CNST: variants seen among roughly 807,000 people sequenced by gnomAD.
CNST encodes consortin.
A neutral mutation model predicts 72.4 loss-of-function variants in CNST; 39 were observed. That is an observed-to-expected ratio of 0.54 (90% CI 0.42 to 0.70). The LOEUF (loss-of-function observed/expected upper bound fraction) is 0.70, where lower values mean the gene tolerates loss of function less well. Ranked by LOEUF, CNST falls within the 30% of genes least tolerant of loss-of-function variation. The pLI, the probability that CNST is intolerant of heterozygous loss-of-function variation, is 0.00. For missense variants in CNST, 871 were observed against 868.5 expected (o/e 1.00, Z -0.04); for synonymous variants, 332 against 320.1 (o/e 1.04, Z -0.40).
At chr1:246,664,558 C>G (rs1032396231) in intron 10 of CNST, among the ~76,000 whole-genome samples, 1 of 152,096 alleles carries the variant, frequency 6.6e-6, no homozygotes, top group African/African-American at 2.4e-5. Context: ...TCCTGAGTAG[C>G]TGAGACTATA....
At chr1:246,580,268 T>C (rs959408147) in intron 1 of CNST, among the ~76,000 whole-genome samples, 1 of 152,180 alleles carries the variant, frequency 6.6e-6, no homozygotes, top group Admixed American at 6.5e-5. Context: ...GATTTCATTC[T>C]GGACATATAA....
chr1:246,647,205 G>A lies in CNST; in HGVS notation c.1004G>A (p.Ser335Asn), dbSNP rs1666141604. Residue 335 changes from serine to asparagine, a missense_variant, in exon 9 of 11, where the codon AGC becomes AAC. Physicochemically the swap from Ser to Asn is conservative, Grantham distance 46. Coordinates refer to ENST00000366513, the MANE Select transcript of CNST (RefSeq NM_152609.3). ...CAACATACAGTGGAGCCCCTGGGGA[G>A]CAGTCCCTGCTGTCATCAGATGGAC... The part of the protein sequence containing the change: ...ESQHTVEPLG[S>N]SPCCHQMDVQ... 1 of 1,614,180 alleles carries A rather than the reference G, an allele frequency of 6.2e-7. No homozygotes were observed. The highest frequency in any genetic ancestry group is 8.5e-7 in the Non-Finnish European group (1 of 1,180,024).
At chr1:246,596,528 G>A (rs1176198423) in intron 2 of CNST, among the ~76,000 whole-genome samples, 1 of 152,110 alleles carries the variant, frequency 6.6e-6, no homozygotes, top group African/African-American at 2.4e-5. Flanking sequence ...CCTGGGGGGA[G>A]AAAAACAATG....
chr1:246,648,198 A>G (rs947485516), intron 9 of CNST, 161 bp downstream of exon 9: 5 of 1,406,496 alleles, frequency 3.6e-6, no homozygotes, highest in East Asian at 5.1e-5. Context: ...TTACATTTGT[A>G]TGTATTGAAT....
intron 1 of CNST, among the ~76,000 whole-genome samples, chr1:246,572,974 A>G (rs1223963150): frequency 6.6e-6 from 1 of 152,186 alleles, no homozygotes; most frequent in East Asian, 1.9e-4. Context: ...GATTCATGTA[A>G]CCAACAGGAT....
chr1:246,650,876 C>T (rs1032868022), intron 9 of CNST, among the ~76,000 whole-genome samples: 4 of 152,048 alleles, frequency 2.6e-5, no homozygotes, highest in African/African-American at 9.7e-5. Context: ...TGGGGTTTCA[C>T]CATGTTGGCC....
chr1:246,580,782 C>T (rs896642252), intron 1 of CNST, among the ~76,000 whole-genome samples: 3 of 151,774 alleles, frequency 2.0e-5, no homozygotes, highest in Non-Finnish European at 4.4e-5. Context: ...ACTCTGTTGC[C>T]CAGGCTAGAG....
intron 3 of CNST, among the ~76,000 whole-genome samples, chr1:246,627,485 C>T (rs548322273): frequency 2.0e-5 from 3 of 152,218 alleles, no homozygotes; most frequent in African/African-American, 4.8e-5. Context: ...AGGGAGTAAA[C>T]CAAGAAACAG....
chr1:246,641,870 T>G (rs1461443185), intron 7 of CNST, 71 bp from the exon 8 acceptor site: 1 of 1,375,708 alleles, frequency 7.3e-7, no homozygotes. Context: ...CTTTCCCAAG[T>G]TATTTTCAGC....
intron 9 of CNST, among the ~76,000 whole-genome samples, chr1:246,649,165 T>G (rs1018276279): frequency 1.3e-4 from 19 of 151,856 alleles, no homozygotes; most frequent in South Asian, 1.0e-3. Flanking sequence ...TGTTTTGTTT[T>G]TTTTTTTTTT....
At chr1:246,652,791 T>C (rs1666533029) in intron 9 of CNST, among the ~76,000 whole-genome samples, 1 of 151,046 alleles carries the variant, frequency 6.6e-6, no homozygotes, top group East Asian at 1.9e-4. Flanking sequence ...GATCACGAGG[T>C]CAGGAGATCG....
Position 246,566,563 on chromosome 1 carries a change from G to T in CNST, c.-152G>T. On this transcript the variant is annotated 5_prime_UTR_variant, in exon 1 of 11. Transcript: ENST00000366513. ...CCTCCACCGGAGCCAGGGGAGACCCGAGCAAGCTCCGTGACAGCACGTCGG... is the reference window on the plus strand; with the variant it reads ...CCTCCACCGGAGCCAGGGGAGACCCTAGCAAGCTCCGTGACAGCACGTCGG... 2.4e-6 allele frequency: 1 copy of T among 409,212 alleles called. No individual in the cohort carries two copies. Among genetic ancestry groups the T allele is most frequent in the Non-Finnish European group, 4.3e-6 (1 of 230,590 alleles). 25.3% of individuals were successfully genotyped at this position (409,212 alleles called of 1,614,324 possible).
At chr1:246,585,387 C>A (rs1171798276) in intron 1 of CNST, among the ~76,000 whole-genome samples, 1 of 152,138 alleles carries the variant, frequency 6.6e-6, no homozygotes, top group African/African-American at 2.4e-5. Flanking sequence ...TGGCTCACAT[C>A]TGTAATCCCA....
chr1:246,583,435 A>C (rs77284180), intron 1 of CNST, among the ~76,000 whole-genome samples: 4,795 of 152,306 alleles, frequency 0.031, 210 homozygotes, highest in African/African-American at 0.1. Flanking sequence ...GAGAAGAGGA[A>C]TGTTAGGGCA....
At chr1:246,662,475 G>A (rs191869746) in intron 10 of CNST, among the ~76,000 whole-genome samples, 5 of 152,202 alleles carry the variant, frequency 3.3e-5, no homozygotes, top group East Asian at 1.9e-4. Flanking sequence ...TGCAACCTCC[G>A]CCTCCCGAGT....
At chr1:246,640,320 CAT>C (rs1201369019) in intron 6 of CNST, among the ~76,000 whole-genome samples, 6 of 152,132 alleles carry the variant, frequency 3.9e-5, no homozygotes, top group African/African-American at 7.2e-5. Flanking sequence ...GTAGTAAAAA[CAT>C]AACATTTTTA....
chr1:246,659,103 G>A (rs760257991), intron 9 of CNST, among the ~76,000 whole-genome samples: 2 of 152,180 alleles, frequency 1.3e-5, no homozygotes, highest in Non-Finnish European at 2.9e-5. Flanking sequence ...ACTTTTTCTA[G>A]GAAAGGCCAA....
At chr1:246,610,509 T>C (rs554177666) in intron 2 of CNST, among the ~76,000 whole-genome samples, 1 of 152,326 alleles carries the variant, frequency 6.6e-6, no homozygotes, top group East Asian at 1.9e-4. Flanking sequence ...TGGGCCACAC[T>C]GTACTGTTTT....
At chr1:246,633,039 G>A (rs922561695) in intron 4 of CNST, among the ~76,000 whole-genome samples, 5 of 152,188 alleles carry the variant, frequency 3.3e-5, no homozygotes, top group Non-Finnish European at 4.4e-5. Context: ...AGTTGACTCC[G>A]CAGCAGACAT....
Sources: allele counts gnomAD v4.1 joint callset (sites outside exome capture counted in the v4.1 genomes callset), GRCh38; gene constraint gnomAD v4.1.1; transcripts MANE v1.5; gene names NCBI Gene and HGNC (gene_info 2026-07-23, HGNC 2026-07-21).